BCAS1: variants seen among roughly 807,000 people sequenced by gnomAD.
The protein encoded by BCAS1 is breast carcinoma-amplified sequence 1.
A neutral mutation model predicts 65.4 loss-of-function variants in BCAS1; 46 were observed. The ratio of observed to expected loss-of-function variants is 0.70; its 90% CI spans 0.55 to 0.90. The LOEUF is 0.90. Among genes scored for constraint, BCAS1 ranks in the 40% least tolerant of loss-of-function variants. The probability of loss-of-function intolerance (pLI) is 0.00; values close to 1 mark genes in which losing one functional copy is unlikely to be tolerated. For synonymous variants in BCAS1, 298 were observed against 293.5 expected, an observed-to-expected ratio of 1.02 and a Z score of -0.16; for missense variants, 793 against 771.2, an observed-to-expected ratio of 1.03 and a Z score of -0.33.
intron 8 of BCAS1, among the ~76,000 whole-genome samples, chr20:53,978,197 T>C (rs1308787162): frequency 2.0e-5 from 3 of 151,996 alleles, no homozygotes; most frequent in Non-Finnish European, 4.4e-5. Context: ...ACATCCTTTA[T>C]AGGGACATGG....
chr20:54,041,908 C>CAAAA lies in BCAS1; in HGVS notation c.143-12937_143-12936insTTTT, dbSNP rs1391284796. On this transcript the variant is annotated intron_variant, in intron 3 of 12. Coordinates refer to ENST00000688948, the MANE Select transcript of BCAS1 (RefSeq NM_001366298.2). The stretch of plus-strand genomic sequence containing the variant: ...AGTTCAGAGTGAGACTCTGTCTCCC[C>CAAAA]CAAAAAAAAAAAAAAAAAAAAAAGA... 1.2e-3 allele frequency among the ~76,000 whole-genome samples: 80 copies of CAAAA among 67,288 alleles called. 5 individuals carry two copies. The highest frequency in any genetic ancestry group is 3.7e-3 in the South Asian group (5 of 1,334). The allele number at this position is 67,288 out of a possible 152,430, so 44.1% of individuals were successfully genotyped here.
intron 4 of BCAS1, among the ~76,000 whole-genome samples, chr20:54,021,550 A>G (rs2091559085): frequency 1.3e-5 from 2 of 151,676 alleles, no homozygotes; most frequent in African/African-American, 4.8e-5. Flanking sequence ...CTATGTGTCC[A>G]TAAAAAGGAA....
intron 4 of BCAS1, 46 bp downstream of exon 4, chr20:54,028,346 C>T (rs778758935): frequency 3.1e-6 from 5 of 1,603,624 alleles, no homozygotes; most frequent in Non-Finnish European, 4.3e-6. Context: ...ATTAGCGCCC[C>T]CGAGCATGCA....
At chr20:54,047,412 A>C (rs1207095073) in intron 3 of BCAS1, among the ~76,000 whole-genome samples, 3 of 152,208 alleles carry the variant, frequency 2.0e-5, no homozygotes, top group Non-Finnish European at 4.4e-5. Context: ...GCATCTTTGG[A>C]GACTATCAAC....
intron 3 of BCAS1, among the ~76,000 whole-genome samples, chr20:54,039,911 T>A (rs1049096504): frequency 1.3e-5 from 2 of 151,390 alleles, no homozygotes; most frequent in Non-Finnish European, 3.0e-5. Context: ...GTCCTTGTTG[T>A]TTTTATAGAA....
intron 10 of BCAS1, among the ~76,000 whole-genome samples, chr20:53,965,767 C>T (rs2145618585): frequency 6.6e-6 from 1 of 152,040 alleles, no homozygotes; most frequent in South Asian, 2.1e-4. Flanking sequence ...GATACATAAT[C>T]CTTAAAATGC....
chr20:54,040,496 CAG>C (rs2091971239), intron 3 of BCAS1, among the ~76,000 whole-genome samples: 2 of 151,284 alleles, frequency 1.3e-5, no homozygotes, highest in South Asian at 2.1e-4. Context: ...AGCCAGGAAA[CAG>C]AGACAAGAGG....
chr20:54,026,048 G>A (rs2091666182), intron 4 of BCAS1, among the ~76,000 whole-genome samples: 2 of 152,106 alleles, frequency 1.3e-5, no homozygotes, highest in Non-Finnish European at 1.5e-5. Context: ...TGGGCACTCA[G>A]TATTTCAAAT....
chr20:53,967,254 T>A (rs773439332), intron 9 of BCAS1, among the ~76,000 whole-genome samples, 181 bp from the exon 10 acceptor site: 13 of 152,186 alleles, frequency 8.5e-5, no homozygotes, highest in Non-Finnish European at 1.8e-4. Context: ...ACGCACCAAT[T>A]TCCAAGCTCA....
At chr20:53,974,555 C>A (rs541242254) in intron 9 of BCAS1, among the ~76,000 whole-genome samples, 1 of 152,194 alleles carries the variant, frequency 6.6e-6, no homozygotes, top group African/African-American at 2.4e-5. Flanking sequence ...TAAAAACACA[C>A]GCCCTATTTA....
At chr20:53,957,618 G>T (rs1170765213) in intron 10 of BCAS1, 121 bp from the exon 11 acceptor site, 1 of 842,952 alleles carries the variant, frequency 1.2e-6, no homozygotes, top group East Asian at 2.4e-5. Context: ...AAGACAAATG[G>T]AAGGCCAACT....
intron 1 of BCAS1, among the ~76,000 whole-genome samples, chr20:54,067,226 T>A (rs971110462): frequency 6.6e-6 from 1 of 152,084 alleles, no homozygotes; most frequent in African/African-American, 2.4e-5. Flanking sequence ...AATACAAAAA[T>A]TAGCCAGATG....
chr20:54,032,435 G>A (rs1489673766), intron 3 of BCAS1, among the ~76,000 whole-genome samples: 5 of 151,244 alleles, frequency 3.3e-5, no homozygotes, highest in Non-Finnish European at 5.9e-5. Flanking sequence ...AAAATAACCA[G>A]CCAACATCAT....
chr20:54,062,316 C>A (rs958983429), intron 1 of BCAS1, among the ~76,000 whole-genome samples: 1 of 152,140 alleles, frequency 6.6e-6, no homozygotes, highest in Non-Finnish European at 1.5e-5. Flanking sequence ...CTTCTAGGAG[C>A]TTTATTTGCA....
At chr20:53,958,888 C>G (rs1475835425) in intron 10 of BCAS1, among the ~76,000 whole-genome samples, 1 of 152,116 alleles carries the variant, frequency 6.6e-6, no homozygotes, top group East Asian at 1.9e-4. Flanking sequence ...CACTCTAAAC[C>G]ACCTCCCCAT....
At position 54,028,648 on chromosome 20, in the gene BCAS1, T is replaced by C. The variant is rs1359819949; in HGVS notation, c.467A>G (p.His156Arg). 2 of 1,614,032 alleles carry C rather than the reference T, an allele frequency of 1.2e-6. No individual in the cohort carries two copies. The highest frequency in any genetic ancestry group is 1.7e-6 in the Non-Finnish European group (2 of 1,180,020). ...GAGGACCTTGTCTTGGGCCGGGGCGTGCCCTGGGGTTTTATCTGTGTCCTG... is the reference window on the plus strand; with the variant it reads ...GAGGACCTTGTCTTGGGCCGGGGCGCGCCCTGGGGTTTTATCTGTGTCCTG... ...PGQDTDKTPG[H>R]APAQDKVLSA... is the part of the protein sequence containing the mutation. The change falls in exon 4 of 13, where the codon CAC becomes CGC. Residue 156 changes from histidine (H) to arginine (R), a missense_variant. His to Arg is a conservative substitution (Grantham distance 29). Coordinates refer to ENST00000688948, the MANE Select transcript of BCAS1 (RefSeq NM_001366298.2).
At position 54,031,444 on chromosome 20, in the gene BCAS1, T is replaced by G. The variant is rs912145369; in HGVS notation, c.143-2472A>C. Among the ~76,000 whole-genome samples, 4 of 151,352 alleles carry G rather than the reference T, an allele frequency of 2.6e-5. 1 individual carries two copies. The highest frequency in any genetic ancestry group is 5.9e-5 in the Non-Finnish European group (4 of 67,592). ...TGAAGCTCTGCTCTCCAAATTTAGG[T>G]GGGTACATACCCAAGTCCATCACCT... On this transcript the variant is annotated intron_variant, in intron 3 of 12. Transcript: ENST00000688948.
chr20:53,993,623 T>G (rs1314117927), intron 6 of BCAS1, among the ~76,000 whole-genome samples: 3 of 152,130 alleles, frequency 2.0e-5, no homozygotes, highest in African/African-American at 7.2e-5. Flanking sequence ...TCAGGTCACT[T>G]GGGAAGCCAC....
At chr20:54,022,708 A>G (rs2146047916) in intron 4 of BCAS1, among the ~76,000 whole-genome samples, 1 of 152,320 alleles carries the variant, frequency 6.6e-6, no homozygotes, top group South Asian at 2.1e-4. Context: ...GGGTTTTTTT[A>G]ACAATAAAAA....
Sources: allele counts gnomAD v4.1 joint callset (sites outside exome capture counted in the v4.1 genomes callset), GRCh38; gene constraint gnomAD v4.1.1; transcripts MANE v1.5; gene names NCBI Gene and HGNC (gene_info 2026-07-23, HGNC 2026-07-21).